The following PAPPA2 variants were observed in gnomAD, a reference collection of about 807,000 sequenced individuals.
PAPPA2 encodes the protein pappalysin 2, also known as pappalysin-2.
PAPPA2 carries 86 observed loss-of-function variants against 176.4 expected under a neutral mutation model. That is an observed-to-expected ratio of 0.49 (90% CI 0.41 to 0.58). The LOEUF is 0.58. Among genes scored for constraint, PAPPA2 ranks in the 20% least tolerant of loss-of-function variants. The probability of loss-of-function intolerance (pLI) is 0.00; values close to 1 mark genes in which losing one functional copy is unlikely to be tolerated. For synonymous variants in PAPPA2, 809 were observed against 852.2 expected (o/e 0.95, Z 0.88); for missense variants, 2,073 against 2,256.9 (o/e 0.92, Z 1.65).
chr1:176,782,802 C>G (rs1484314742), intron 17 of PAPPA2, among the ~76,000 whole-genome samples: 1 of 152,098 alleles, frequency 6.6e-6, no homozygotes, highest in Non-Finnish European at 1.5e-5. Flanking sequence ...TGAAAGTTCC[C>G]TCCGACTAAT....
At chr1:176,640,689 C>A (rs1252688503) in intron 3 of PAPPA2, among the ~76,000 whole-genome samples, 3 of 151,796 alleles carry the variant, frequency 2.0e-5, no homozygotes, top group African/African-American at 7.3e-5. Context: ...ATTTATAGTC[C>A]TTTGGGCATA....
At chr1:176,636,344 C>A (rs1246174436) in intron 3 of PAPPA2, among the ~76,000 whole-genome samples, 1 of 152,060 alleles carries the variant, frequency 6.6e-6, no homozygotes, top group Non-Finnish European at 1.5e-5. Flanking sequence ...AATAGCCAAG[C>A]CTGGATTCTA....
intron 3 of PAPPA2, among the ~76,000 whole-genome samples, chr1:176,628,089 A>T (rs1656130212): frequency 6.6e-6 from 1 of 152,180 alleles, no homozygotes; most frequent in Non-Finnish European, 1.5e-5. Context: ...TTGAATCCAG[A>T]CACCATATTT....
At chr1:176,590,069 G>C (rs889864098) in intron 2 of PAPPA2, among the ~76,000 whole-genome samples, 1 of 152,162 alleles carries the variant, frequency 6.6e-6, no homozygotes, top group Non-Finnish European at 1.5e-5. Flanking sequence ...TTTGTTCACA[G>C]GTACAGTTGG....
intron 3 of PAPPA2, among the ~76,000 whole-genome samples, chr1:176,656,987 A>G (rs578104691): frequency 2.4e-4 from 37 of 151,988 alleles, no homozygotes; most frequent in African/African-American, 8.4e-4. Context: ...CTGGGCAACT[A>G]CTAAATCTCA....
chr1:176,481,252 GCACACACACACACACACACACACA>G (rs56206580), intron 1 of PAPPA2, among the ~76,000 whole-genome samples: 106 of 140,290 alleles, frequency 7.6e-4, no homozygotes, highest in African/African-American at 2.6e-3. Flanking sequence ...AGATTTTAAA[GCACACACACACACACACACACACA>G]CACACACACA....
intron 4 of PAPPA2, among the ~76,000 whole-genome samples, chr1:176,684,636 T>A (rs1476053044): frequency 3.3e-5 from 5 of 152,032 alleles, no homozygotes; most frequent in African/African-American, 1.2e-4. Flanking sequence ...AAATTAATGG[T>A]TTTGAGTATA....
In PAPPA2 at chr1:176,739,010, C is replaced by T. The variant is rs144928849; in HGVS notation, c.3799-616C>T. On this transcript the variant is annotated intron_variant, in intron 12 of 22. Coordinates refer to ENST00000367662, the MANE Select transcript of PAPPA2 (RefSeq NM_020318.3). ...TTTTCCTGGCCGGGGACTGGGTATA[C>T]ATGCTTGATGCACCAGGAAGACACA... Among the ~76,000 whole-genome samples, 207 of 152,218 alleles carry T rather than the reference C, an allele frequency of 1.4e-3. 3 individuals carry two copies. The highest frequency in any genetic ancestry group is 6.4e-3 in the East Asian group (33 of 5,178).
At chr1:176,778,048 T>TAAAAAAAAAAAA (rs57909250) in intron 17 of PAPPA2, among the ~76,000 whole-genome samples, 1 of 130,726 alleles carries the variant, frequency 7.6e-6, no homozygotes. Flanking sequence ...CAAAACAAAT[T>TAAAAAAAAAAAA]AAAAAAAAAA....
chr1:176,735,437 G>T (rs958818618), intron 12 of PAPPA2, among the ~76,000 whole-genome samples: 2 of 152,094 alleles, frequency 1.3e-5, no homozygotes, highest in African/African-American at 4.8e-5. Context: ...CTGCTATCCA[G>T]TGAGCGCCAC....
At chr1:176,640,167 T>A (rs1281815016) in intron 3 of PAPPA2, among the ~76,000 whole-genome samples, 1 of 150,588 alleles carries the variant, frequency 6.6e-6, no homozygotes, top group Admixed American at 6.6e-5. Flanking sequence ...TTTTATTTTT[T>A]ATTTTTATTT....
At chr1:176,720,563 G>A (rs750191909) in intron 12 of PAPPA2, among the ~76,000 whole-genome samples, 3 of 151,786 alleles carry the variant, frequency 2.0e-5, no homozygotes, top group South Asian at 2.1e-4. Context: ...TATGTAGTTT[G>A]ATTATGTGAT....
chr1:176,702,795 GAGAGAGA>G, intron 9 of PAPPA2, 60 bp downstream of exon 9: 1 of 1,567,316 alleles, frequency 6.4e-7, no homozygotes, highest in Non-Finnish European at 8.7e-7. Context: ...GAGAGAGAGA[GAGAGAGA>G]GGGAGGGAGA....
chr1:176,512,084 A>G (rs1388340080), intron 1 of PAPPA2, among the ~76,000 whole-genome samples: 2 of 152,160 alleles, frequency 1.3e-5, no homozygotes, highest in Non-Finnish European at 1.5e-5. Context: ...CCAAAATGGC[A>G]AAATATTTCA....
rs530068958 is a variant in PAPPA2, at chr1:176,556,321, G to A, written c.-2G>A. The A allele has an allele frequency of 6.2e-7, 1 of 1,612,976 alleles. No homozygotes were observed. The highest frequency in any genetic ancestry group is 1.3e-5 in the African/African-American group (1 of 75,040). ...GGTTCTGTAGAAAGAGCTAGGGGAG[G>A]TATGATGTGCTTAAAGATCCTAAGA... On this transcript the variant is annotated 5_prime_UTR_variant, in exon 2 of 23. Transcript: ENST00000367662.
intron 1 of PAPPA2, among the ~76,000 whole-genome samples, chr1:176,524,292 A>C (rs1229845434): frequency 1.3e-5 from 2 of 152,148 alleles, no homozygotes; most frequent in Non-Finnish European, 2.9e-5. Context: ...GGCAGGGAGA[A>C]TTTGCAATAT....
chr1:176,791,555 AT>A (rs1665180341), intron 19 of PAPPA2, 73 bp downstream of exon 19: 3 of 1,512,028 alleles, frequency 2.0e-6, no homozygotes, highest in South Asian at 1.2e-5. Flanking sequence ...ATTTTTTTTA[AT>A]TTTATTTATT....
intron 1 of PAPPA2, among the ~76,000 whole-genome samples, chr1:176,504,083 C>T (rs1409532713): frequency 6.6e-6 from 1 of 152,018 alleles, no homozygotes; most frequent in Admixed American, 6.6e-5. Context: ...TATGGTCATT[C>T]TGTGGTATGG....
intron 2 of PAPPA2, among the ~76,000 whole-genome samples, chr1:176,584,404 T>G (rs1653173764): frequency 6.6e-6 from 1 of 152,062 alleles, no homozygotes; most frequent in Admixed American, 6.6e-5. Context: ...CATTTTTGTT[T>G]TTTTTTTTAG....
Sources: gnomAD v4.1 joint callset for allele counts (sites outside exome capture counted in the v4.1 genomes callset) on GRCh38, gnomAD v4.1.1 for gene constraint, MANE v1.5 for transcripts, NCBI Gene and HGNC (gene_info 2026-07-23, HGNC 2026-07-21) for gene names.